Variants in FRMD4A observed in about 807,000 individuals in gnomAD.
FRMD4A encodes the protein FERM domain containing 4A, also known as FERM domain-containing protein 4A.
A neutral mutation model predicts 129.1 loss-of-function variants in FRMD4A; 29 were observed. That is an observed-to-expected ratio of 0.22 (90% confidence interval 0.17 to 0.31). FRMD4A has a LOEUF of 0.31. FRMD4A is among the 10% of genes least tolerant of loss of function. The pLI, the probability that FRMD4A is intolerant of heterozygous loss-of-function variation, is 1.00. For synonymous variants in FRMD4A, 634 were observed against 571.6 expected, an observed-to-expected ratio of 1.11 and a Z score of -1.56; for missense variants, 1,272 against 1,375.8, an observed-to-expected ratio of 0.92 and a Z score of 1.19.
chr10:13,679,995 C>T (rs935502702), intron 15 of FRMD4A, among the ~76,000 whole-genome samples: 3 of 152,096 alleles, frequency 2.0e-5, no homozygotes, highest in Admixed American at 6.5e-5. Context: ...ATCCACTGAC[C>T]CAGCAGGTTG....
intron 2 of FRMD4A, among the ~76,000 whole-genome samples, chr10:14,298,235 T>C (rs955761554): frequency 6.6e-6 from 1 of 152,168 alleles, no homozygotes; most frequent in Non-Finnish European, 1.5e-5. Flanking sequence ...CAAGATCCAG[T>C]GTCTACATGA....
chr10:14,266,118 C>T (rs779033658), intron 2 of FRMD4A, among the ~76,000 whole-genome samples: 3 of 131,086 alleles, frequency 2.3e-5, no homozygotes, highest in Non-Finnish European at 4.7e-5. Flanking sequence ...TTCCCAACCT[C>T]GGCACTGCTG....
intron 2 of FRMD4A, among the ~76,000 whole-genome samples, chr10:14,199,282 T>TTTATTTA (rs200996539): frequency 1.5e-5 from 2 of 130,984 alleles, no homozygotes; most frequent in Non-Finnish European, 3.3e-5. Flanking sequence ...AAGTGTCTTA[T>TTTATTTA]TTTATTTATT....
chr10:13,991,754 C>T (rs1049866173), intron 2 of FRMD4A: 7 of 152,522 alleles, frequency 4.6e-5, no homozygotes, highest in Admixed American at 1.3e-4. Context: ...GTTTCCCTTA[C>T]AGAAAGTAAC....
intron 2 of FRMD4A, among the ~76,000 whole-genome samples, chr10:14,185,218 G>A (rs1842048656): frequency 6.6e-6 from 1 of 152,154 alleles, no homozygotes; most frequent in Non-Finnish European, 1.5e-5. Flanking sequence ...GCCACTGTGG[G>A]TTCTAATTTG....
At chr10:13,762,488 T>C (rs2092114613) in intron 7 of FRMD4A, 136 bp downstream of exon 7, 4 of 620,362 alleles carry the variant, frequency 6.4e-6, no homozygotes, top group Non-Finnish European at 1.2e-5. Context: ...CTAATAGCTC[T>C]ATGCAGCTTG....
At chr10:13,766,121 G>C (rs1347793577) in intron 6 of FRMD4A, among the ~76,000 whole-genome samples, 1 of 152,218 alleles carries the variant, frequency 6.6e-6, no homozygotes, top group African/African-American at 2.4e-5. Context: ...CACGAAGGAA[G>C]GTCTTTTATT....
chr10:14,323,760 G>T (rs1843158673), intron 2 of FRMD4A, among the ~76,000 whole-genome samples: 1 of 152,122 alleles, frequency 6.6e-6, no homozygotes, highest in South Asian at 2.1e-4. Context: ...AGCCTGATTA[G>T]TCAGAAATCT....
intron 2 of FRMD4A, among the ~76,000 whole-genome samples, chr10:14,263,607 A>G (rs916799573): frequency 6.6e-6 from 1 of 152,108 alleles, no homozygotes; most frequent in Non-Finnish European, 1.5e-5. Flanking sequence ...TGTGCCCCAG[A>G]AAGATGCTGC....
intron 6 of FRMD4A, among the ~76,000 whole-genome samples, chr10:13,764,184 CGTGTGTGTGTGT>C (rs369852562): frequency 6.4e-5 from 9 of 141,596 alleles, no homozygotes; most frequent in Non-Finnish European, 9.1e-5. Flanking sequence ...CAAAGATTTC[CGTGTGTGTGTGT>C]GTGTGTGTGT....
chr10:14,326,606 C>G (rs1843285905), intron 2 of FRMD4A: 1 of 384,452 alleles, frequency 2.6e-6, no homozygotes, highest in Non-Finnish European at 4.6e-6. Flanking sequence ...ATCTAGCTGT[C>G]CTGAAGGTGA....
intron 2 of FRMD4A, among the ~76,000 whole-genome samples, chr10:14,118,140 T>C (rs1251424669): frequency 6.6e-6 from 1 of 152,224 alleles, no homozygotes; most frequent in East Asian, 1.9e-4. Context: ...AACCTCCATA[T>C]GAGTTTGACC....
At chr10:14,105,835 A>C (rs549039519) in intron 2 of FRMD4A, among the ~76,000 whole-genome samples, 1 of 152,246 alleles carries the variant, frequency 6.6e-6, no homozygotes, top group South Asian at 2.1e-4. Context: ...GGATTTTACT[A>C]ATTGAATCTC....
intron 2 of FRMD4A, among the ~76,000 whole-genome samples, chr10:13,946,619 T>C (rs1298734889): frequency 1.3e-5 from 2 of 152,196 alleles, no homozygotes; most frequent in Admixed American, 1.3e-4. Context: ...TTTTCTTTTT[T>C]TCTCATCTTT....
chr10:14,057,388 G>A (rs1235094838), intron 2 of FRMD4A, among the ~76,000 whole-genome samples: 1 of 152,146 alleles, frequency 6.6e-6, no homozygotes, highest in African/African-American at 2.4e-5. Context: ...TGGGGTTATA[G>A]GATTAGGTCA....
chr10:14,094,058 G>A (rs1357527920), intron 2 of FRMD4A, among the ~76,000 whole-genome samples: 10 of 152,220 alleles, frequency 6.6e-5, no homozygotes, highest in Admixed American at 2.0e-4. Context: ...AATGAAATTC[G>A]ACCCATCAGA....
chr10:13,655,592 C>G (rs911822900), intron 22 of FRMD4A: 2 of 151,398 alleles, frequency 1.3e-5, no homozygotes, highest in African/African-American at 4.9e-5. Flanking sequence ...GAGCCTGGCT[C>G]GCTAGGGCAT....
At position 13,707,132 on chromosome 10, in the gene FRMD4A, A is replaced by T; in HGVS notation, c.760-19T>A. ...GGAATATCTGGACAGAAAACAGTGT[A>T]GTTTAAAACTCAGGAGGGGCTGGCT... On this transcript the variant is annotated intron_variant, in intron 12 of 24. Coordinates refer to ENST00000357447, the MANE Select transcript of FRMD4A (RefSeq NM_018027.5). The T allele has an allele frequency of 7.2e-7, 1 of 1,388,248 alleles. No individual in the cohort carries two copies. The highest frequency in any genetic ancestry group is 1.0e-6 in the Non-Finnish European group (1 of 974,400). 86.0% of individuals were successfully genotyped at this position (1,388,248 alleles called of 1,614,324 possible).
At chr10:14,019,973 G>A (rs1832664167) in intron 2 of FRMD4A, among the ~76,000 whole-genome samples, 1 of 152,168 alleles carries the variant, frequency 6.6e-6, no homozygotes, top group African/African-American at 2.4e-5. Flanking sequence ...TGAATGCATA[G>A]CCTCCAAGGT....
Sources: allele counts gnomAD v4.1 joint callset (sites outside exome capture counted in the v4.1 genomes callset), GRCh38; gene constraint gnomAD v4.1.1; transcripts MANE v1.5; gene names NCBI Gene and HGNC (gene_info 2026-07-23, HGNC 2026-07-21).